The following FILIP1 variants were observed in gnomAD, a reference collection of about 807,000 sequenced individuals.
FILIP1 encodes the protein filamin A interacting protein 1.
Under a neutral mutation model 102.1 loss-of-function variants are expected in FILIP1, and 61 were observed. That is an observed-to-expected ratio of 0.60 (90% CI 0.49 to 0.74). FILIP1 has a LOEUF of 0.74. Ranked by LOEUF, FILIP1 falls within the 30% of genes least tolerant of loss-of-function variation. The pLI, the probability that FILIP1 is intolerant of heterozygous loss-of-function variation, is 0.00. For missense variants in FILIP1, 1,314 were observed against 1,441.2 expected (o/e 0.91, Z 1.43); for synonymous variants, 491 against 526.9 (o/e 0.93, Z 0.93).
At chr6:75,430,053 C>A (rs993965376) in intron 1 of FILIP1, among the ~76,000 whole-genome samples, 1 of 152,098 alleles carries the variant, frequency 6.6e-6, no homozygotes, top group Non-Finnish European at 1.5e-5. Context: ...GAGAGAGGGA[C>A]CTGGTGGGAG....
At chr6:75,358,999 C>T (rs778081187) in intron 3 of FILIP1, among the ~76,000 whole-genome samples, 5 of 149,014 alleles carry the variant, frequency 3.4e-5, no homozygotes, top group African/African-American at 9.9e-5. Context: ...TGAGCCACTG[C>T]GCCCAGCCCT....
At chr6:75,399,892 T>G (rs1039000055) in intron 2 of FILIP1, among the ~76,000 whole-genome samples, 1 of 152,192 alleles carries the variant, frequency 6.6e-6, no homozygotes, top group Non-Finnish European at 1.5e-5. Context: ...AAGAGTATAA[T>G]GCACCATCTA....
chr6:75,407,990 C>A (rs1211375587), intron 2 of FILIP1, among the ~76,000 whole-genome samples: 1 of 152,050 alleles, frequency 6.6e-6, no homozygotes, highest in African/African-American at 2.4e-5. Context: ...TTTAGTACAG[C>A]CAAGTTTACT....
intron 1 of FILIP1, among the ~76,000 whole-genome samples, chr6:75,422,277 A>G (rs1777494118): frequency 6.6e-6 from 1 of 152,118 alleles, no homozygotes; most frequent in Non-Finnish European, 1.5e-5. Flanking sequence ...ATCATTGATT[A>G]AACAAAAAGA....
rs2149552513 is a variant in FILIP1 at position 75,315,081 on chromosome 6, C to T, written c.751G>A (p.Val251Met). 6.2e-7 allele frequency: 1 copy of T among 1,614,120 alleles called. No homozygotes were observed. Residue 251 changes from valine (V) to methionine (M), a missense_variant, in exon 5 of 6, where the codon GTG (valine) becomes ATG (methionine). Transcript: ENST00000237172. ...TCAATGTGCATTTGTCTTTCATCCA[C>T]CAGCATGAGTGCAAAGGATTTGAGT... ...VKLKSFALML[V>M]DERQMHIEQL...
chr6:75,425,825 T>C (rs1400890278), intron 1 of FILIP1, among the ~76,000 whole-genome samples: 1 of 152,158 alleles, frequency 6.6e-6, no homozygotes, highest in Non-Finnish European at 1.5e-5. Context: ...TTACTAGAAA[T>C]ATTAAGGCAA....
Position 75,424,572 on chromosome 6 carries a change from T to C in FILIP1, c.-6-9594A>G, listed in dbSNP as rs573962083. 2.0e-5 allele frequency among the ~76,000 whole-genome samples: 3 copies of C among 152,280 alleles called. No individual in the cohort carries two copies. In the South Asian group the frequency reaches 6.2e-4, roughly 32 times the overall value. The stretch of plus-strand genomic sequence containing the variant: ...GACAACTGGATGAGTAGAACTGTTT[T>C]TTTAAAGTAACTGAATTTTAAAAAT... On this transcript the variant is annotated intron_variant, in intron 1 of 5. Transcript: ENST00000237172.
intron 1 of FILIP1, among the ~76,000 whole-genome samples, chr6:75,461,280 G>A (rs1303506716): frequency 2.0e-5 from 3 of 152,240 alleles, no homozygotes; most frequent in Admixed American, 2.0e-4. Flanking sequence ...AAGGCAGAGA[G>A]AAGTTAAGTA....
chr6:75,404,143 G>A (rs1172811353), intron 2 of FILIP1, among the ~76,000 whole-genome samples: 2 of 152,008 alleles, frequency 1.3e-5, no homozygotes, highest in Non-Finnish European at 2.9e-5. Flanking sequence ...AGGCTGAGGT[G>A]GGGGGATCAC....
At chr6:75,357,462 A>C (rs1370653617) in intron 3 of FILIP1, 1 of 152,222 alleles carries the variant, frequency 6.6e-6, no homozygotes, top group Non-Finnish European at 1.5e-5. Context: ...AAGCCACTGG[A>C]GTAGGTGGCT....
At chr6:75,377,359 G>A (rs1775781324) in intron 2 of FILIP1, among the ~76,000 whole-genome samples, 1 of 152,184 alleles carries the variant, frequency 6.6e-6, no homozygotes, top group Non-Finnish European at 1.5e-5. Context: ...GCATTTGCTT[G>A]TAAAATTATC....
At position 75,308,366 on chromosome 6, in the gene FILIP1, G is replaced by A. The variant is rs925456506; in HGVS notation, c.*325C>T. ...AGGAAATATGGGAGCCGGACTTGAA[G>A]AGCGTGTGATTGAGTCCCCACATCT... On this transcript the variant is annotated 3_prime_UTR_variant, in exon 6 of 6. Transcript: ENST00000237172. 1 of 1,038,416 alleles carries A rather than the reference G, an allele frequency of 9.6e-7. No individual in the cohort carries two copies. Among genetic ancestry groups the A allele is most frequent in the African/African-American group, 1.7e-5 (1 of 59,772 alleles). 64.3% of individuals were successfully genotyped at this position (1,038,416 alleles called of 1,614,324 possible). A position where few individuals can be genotyped will look rare whatever the true frequency, so the allele number is the denominator to read the frequency against.
intron 2 of FILIP1, among the ~76,000 whole-genome samples, chr6:75,409,748 A>C (rs1245316510): frequency 6.6e-6 from 1 of 152,134 alleles, no homozygotes; most frequent in Non-Finnish European, 1.5e-5. Flanking sequence ...GTAGAACTTA[A>C]GATTGGTGTT....
At chr6:75,417,667 C>T (rs1375759327) in intron 1 of FILIP1, among the ~76,000 whole-genome samples, 1 of 152,094 alleles carries the variant, frequency 6.6e-6, no homozygotes, top group Non-Finnish European at 1.5e-5. Context: ...TACATCAACC[C>T]TGTGAAGTAG....
chr6:75,490,236 G>A (rs1779917028), intron 1 of FILIP1, among the ~76,000 whole-genome samples: 1 of 151,994 alleles, frequency 6.6e-6, no homozygotes, highest in Non-Finnish European at 1.5e-5. Flanking sequence ...AAATTCCATA[G>A]GGTTTCTTAC....
downstream of FILIP1, among the ~76,000 whole-genome samples, chr6:75,303,727 T>G (rs2149536310): frequency 6.6e-6 from 1 of 151,162 alleles, no homozygotes; most frequent in African/African-American, 2.4e-5. Context: ...CTTTAAAAAC[T>G]ATTAGAAGAT....
At chr6:75,323,413 G>A (rs369951094) in intron 4 of FILIP1, among the ~76,000 whole-genome samples, 13 of 152,144 alleles carry the variant, frequency 8.5e-5, no homozygotes, top group East Asian at 3.8e-4. Context: ...AAAGTGTTCC[G>A]AGATGTCAGA....
In FILIP1 at chr6:75,397,463, A is replaced by G. The variant is rs1282301202; in HGVS notation, c.276+17234T>C. On this transcript the variant is annotated intron_variant, in intron 2 of 5. Transcript: ENST00000237172. ...TCATCTTACACATTGTTTTCAGGTT[A>G]AAAAAGTTTGCTAATTAAATATATA... is the stretch of plus-strand genomic sequence containing the variant. 2.7e-5 allele frequency among the ~76,000 whole-genome samples: 4 copies of G among 150,614 alleles called. No individual in the cohort carries two copies. The Admixed American group carries it at 2.7e-4, about 10-fold the overall frequency.
chr6:75,410,816 G>C (rs1031683763), intron 2 of FILIP1, among the ~76,000 whole-genome samples: 2 of 152,098 alleles, frequency 1.3e-5, no homozygotes, highest in Non-Finnish European at 2.9e-5. Flanking sequence ...ATTTGGGTTG[G>C]TTCCAAGTTT....
Sources: gnomAD v4.1 joint callset for allele counts (sites outside exome capture counted in the v4.1 genomes callset) on GRCh38, gnomAD v4.1.1 for gene constraint, MANE v1.5 for transcripts, NCBI Gene and HGNC (gene_info 2026-07-23, HGNC 2026-07-21) for gene names.